The following BMPR2 variants were observed in gnomAD, a reference collection of about 807,000 sequenced individuals.
The protein encoded by BMPR2 is bone morphogenetic protein receptor type-2.
In BMPR2, 29 loss-of-function variants were observed where a neutral mutation model predicts 100.8. The observed-to-expected ratio is 0.29, with a 90% confidence interval of 0.21 to 0.39. The LOEUF (loss-of-function observed/expected upper bound fraction) is 0.39, where lower values mean the gene tolerates loss of function less well. Among genes scored for constraint, BMPR2 ranks in the 10% least tolerant of loss-of-function variants. The pLI, the probability that BMPR2 is intolerant of heterozygous loss-of-function variation, is 1.00. For synonymous variants in BMPR2, 382 were observed against 442.3 expected, an observed-to-expected ratio of 0.86 and a Z score of 1.71; for missense variants, 1,011 against 1,274.5, an observed-to-expected ratio of 0.79 and a Z score of 3.15.
chr2:202,560,383 A>G lies in BMPR2; in HGVS notation c.*437A>G, dbSNP rs1262939226. The G allele has an allele frequency of 1.0e-5, 2 of 199,066 alleles. No individual in the cohort carries two copies. The highest frequency in any genetic ancestry group is 2.4e-5 in the African/African-American group (1 of 42,192). The allele number at this position is 199,066 out of a possible 1,614,324, so 12.3% of individuals were successfully genotyped here. ...CATGTTTTATTTCTGGGCACAAGCTAGTTTTTATGTTGATACGTTCCTGAA... is the reference window on the plus strand; with the variant it reads ...CATGTTTTATTTCTGGGCACAAGCTGGTTTTTATGTTGATACGTTCCTGAA... On this transcript the variant is annotated 3_prime_UTR_variant, in exon 13 of 13. Transcript: ENST00000374580.
chr2:202,456,063 CAAAAAAAAAAAAAAAA>C lies in BMPR2; in HGVS notation c.77-8722_77-8707del, dbSNP rs750470872. ...CTGGGCAACAGGGTGAGACCCGTCTCAAAAAAAAAAAAAAAAAAAAAAAAAAAAAAAAAAAAAAAGT... is the reference window on the plus strand; with the variant it reads ...CTGGGCAACAGGGTGAGACCCGTCTCAAAAAAAAAAAAAAAAAAAAAAAGT... On this transcript the variant is annotated intron_variant, in intron 1 of 12. Transcript: ENST00000374580. Among the ~76,000 whole-genome samples, 49 of 36,754 alleles carry C rather than the reference CAAAAAAAAAAAAAAAA, an allele frequency of 1.3e-3. 1 individual carries two copies. The highest frequency in any genetic ancestry group is 3.4e-3 in the Admixed American group (10 of 2,902). The allele number at this position is 36,754 out of a possible 152,430, so 24.1% of individuals were successfully genotyped here. A position where few individuals can be genotyped will look rare whatever the true frequency, so the allele number is the denominator to read the frequency against.
chr2:202,379,950 C>T (rs1690241189), intron 1 of BMPR2, among the ~76,000 whole-genome samples: 1 of 152,086 alleles, frequency 6.6e-6, no homozygotes, highest in South Asian at 2.1e-4. Context: ...TTCCGCCTCC[C>T]AGGCGCAAGT....
intron 1 of BMPR2, among the ~76,000 whole-genome samples, chr2:202,429,705 T>C (rs1399317870): frequency 1.3e-5 from 2 of 152,188 alleles, no homozygotes; most frequent in South Asian, 4.1e-4. Flanking sequence ...TCCACATGAC[T>C]GGGGAGGCCT....
intron 1 of BMPR2, among the ~76,000 whole-genome samples, chr2:202,398,643 C>T (rs1239530662): frequency 1.3e-5 from 2 of 152,222 alleles, no homozygotes; most frequent in Non-Finnish European, 2.9e-5. Flanking sequence ...CCCATGTCTA[C>T]TGACATTTGA....
chr2:202,403,183 T>G (rs1005351749), intron 1 of BMPR2, among the ~76,000 whole-genome samples: 1 of 44,930 alleles, frequency 2.2e-5, no homozygotes, highest in Non-Finnish European at 4.4e-5. Flanking sequence ...CCCCTTCCCC[T>G]CCCCTCCCCT....
chr2:202,499,882 G>A (rs978648610), intron 3 of BMPR2, among the ~76,000 whole-genome samples: 2 of 152,176 alleles, frequency 1.3e-5, no homozygotes, highest in African/African-American at 4.8e-5. Flanking sequence ...GGTTCAGAGA[G>A]GACAGAAAAT....
intron 1 of BMPR2, among the ~76,000 whole-genome samples, chr2:202,388,033 A>G (rs1690465639): frequency 6.6e-6 from 1 of 152,168 alleles, no homozygotes; most frequent in Non-Finnish European, 1.5e-5. Flanking sequence ...AAACGTTATC[A>G]AGAATGCTAA....
intron 3 of BMPR2, among the ~76,000 whole-genome samples, chr2:202,488,268 A>G (rs772630761): frequency 1.3e-5 from 2 of 152,196 alleles, no homozygotes; most frequent in South Asian, 2.1e-4. Flanking sequence ...AATTATGCCA[A>G]TAATTACAAT....
At chr2:202,388,093 C>G (rs1690466836) in intron 1 of BMPR2, among the ~76,000 whole-genome samples, 1 of 151,898 alleles carries the variant, frequency 6.6e-6, no homozygotes. Context: ...ATTTGTACAG[C>G]TGTTTCTTAA....
intron 3 of BMPR2, among the ~76,000 whole-genome samples, chr2:202,488,212 A>G (rs1692820248): frequency 6.6e-6 from 1 of 152,146 alleles, no homozygotes; most frequent in East Asian, 1.9e-4. Context: ...TTGAGGGTAT[A>G]AAGGTGAATA....
In BMPR2 at chr2:202,449,308, C is replaced by CAAATAAATAAAT. The variant is rs200671172; in HGVS notation, c.77-15470_77-15459dup. Among the ~76,000 whole-genome samples the CAAATAAATAAAT allele has an allele frequency of 1.2e-3, 170 of 143,070 alleles. 1 individual carries two copies. The highest frequency in any genetic ancestry group is 4.2e-3 in the South Asian group (18 of 4,308). The allele number at this position is 143,070 out of a possible 152,430, so 93.9% of individuals were successfully genotyped here. A position where few individuals can be genotyped will look rare whatever the true frequency, so the allele number is the denominator to read the frequency against. The stretch of plus-strand genomic sequence containing the variant: ...GGTCAACAAGAGCGAAACTCCATCT[C>CAAATAAATAAAT]AAATAAATAAATAAATAAATAAATA... On this transcript the variant is annotated intron_variant, in intron 1 of 12. Coordinates refer to ENST00000374580, the MANE Select transcript of BMPR2 (RefSeq NM_001204.7).
intron 3 of BMPR2, among the ~76,000 whole-genome samples, chr2:202,481,433 C>T (rs1574470710): frequency 6.6e-6 from 1 of 152,214 alleles, no homozygotes; most frequent in African/African-American, 2.4e-5. Flanking sequence ...CCTGCCTCAG[C>T]CTCCCAAAGT....
At chr2:202,535,891 T>C (rs1342896371) in intron 9 of BMPR2, among the ~76,000 whole-genome samples, 2 of 152,162 alleles carry the variant, frequency 1.3e-5, no homozygotes, top group Non-Finnish European at 2.9e-5. Context: ...GAGACCGGCC[T>C]GGCCAACACA....
intron 1 of BMPR2, among the ~76,000 whole-genome samples, chr2:202,401,566 A>G (rs1242341135): frequency 6.6e-6 from 1 of 152,250 alleles, no homozygotes; most frequent in Non-Finnish European, 1.5e-5. Context: ...TCCTTAATAC[A>G]TATGTAATAC....
rs541589338 is a variant in BMPR2, at chr2:202,466,237, T to C, written c.247+1258T>C. On this transcript the variant is annotated intron_variant, in intron 2 of 12. Transcript: ENST00000374580. Reference sequence around the variant, plus strand: ...TTTCTAAAAGTACTGTTCATTTATATTCTCTCCAACACTGTATGAACGTGT... The same window carrying C: ...TTTCTAAAAGTACTGTTCATTTATACTCTCTCCAACACTGTATGAACGTGT... Among the ~76,000 whole-genome samples the C allele has an allele frequency of 3.9e-5, 6 of 152,368 alleles. No individual in the cohort carries two copies. In the East Asian group the frequency reaches 5.8e-4, roughly 15 times the overall value.
chr2:202,398,174 A>G (rs895719448), intron 1 of BMPR2, among the ~76,000 whole-genome samples: 3 of 152,158 alleles, frequency 2.0e-5, no homozygotes, highest in African/African-American at 4.8e-5. Flanking sequence ...TAATCATAAA[A>G]TATTGAAACC....
intron 3 of BMPR2, chr2:202,474,973 C>T (rs1692514383): frequency 6.6e-6 from 1 of 152,080 alleles, no homozygotes; most frequent in African/African-American, 2.4e-5. Flanking sequence ...AAAATAATCT[C>T]CAATAGTCTC....
chr2:202,436,169 C>T (rs1691610228), intron 1 of BMPR2, among the ~76,000 whole-genome samples: 1 of 150,712 alleles, frequency 6.6e-6, no homozygotes, highest in African/African-American at 2.5e-5. Flanking sequence ...TTAGTTTTAT[C>T]TTGGCTAGGC....
chr2:202,378,902 G>T (rs1262841910), intron 1 of BMPR2, among the ~76,000 whole-genome samples: 1 of 152,018 alleles, frequency 6.6e-6, no homozygotes, highest in Non-Finnish European at 1.5e-5. Flanking sequence ...TCAGAACATA[G>T]GCTTTTCAAT....
Sources: allele counts gnomAD v4.1 joint callset (sites outside exome capture counted in the v4.1 genomes callset), GRCh38; gene constraint gnomAD v4.1.1; transcripts MANE v1.5; gene names NCBI Gene and HGNC (gene_info 2026-07-23, HGNC 2026-07-21).